DEUP1: variants seen among roughly 807,000 people sequenced by gnomAD.
DEUP1 encodes deuterosome assembly protein 1.
DEUP1 carries 82 observed loss-of-function variants against 87.4 expected under a neutral mutation model. That is an observed-to-expected ratio of 0.94 (90% CI 0.78 to 1.13). The LOEUF (loss-of-function observed/expected upper bound fraction) is 1.13, where lower values mean the gene tolerates loss of function less well. DEUP1 is among the 50% of genes most tolerant of loss of function. The pLI, the probability that DEUP1 is intolerant of heterozygous loss-of-function variation, is 0.00. For missense variants in DEUP1, 663 were observed against 681.5 expected (o/e 0.97, Z 0.30); for synonymous variants, 214 against 222.7 (o/e 0.96, Z 0.35).
chr11:93,404,072 C>G (rs1017247754), intron 11 of DEUP1, among the ~76,000 whole-genome samples: 1 of 152,010 alleles, frequency 6.6e-6, no homozygotes, highest in Admixed American at 6.6e-5. Flanking sequence ...AAGCTGCCTG[C>G]TCATTTCCAC....
chr11:93,398,152 A>G lies in DEUP1; in HGVS notation c.1326+1827A>G, dbSNP rs1241360956. The stretch of plus-strand genomic sequence containing the variant: ...TTTGGGGATTTTATCATCTTTTTAA[A>G]GTTGAATCATAACACGTACTTCTCT... On this transcript the variant is annotated intron_variant, in intron 11 of 13. Transcript: ENST00000298050. Among the ~76,000 whole-genome samples, 10 of 152,240 alleles carry G rather than the reference A, an allele frequency of 6.6e-5. No individual in the cohort carries two copies. In the East Asian group the frequency reaches 1.5e-3, roughly 24 times the overall value.
In DEUP1 at chr11:93,413,987, C is replaced by G. The variant is rs545086858; in HGVS notation, c.1524-1013C>G. Among the ~76,000 whole-genome samples the G allele has an allele frequency of 2.0e-5, 3 of 152,200 alleles. No individual in the cohort carries two copies. In the South Asian group the frequency reaches 6.2e-4, roughly 32 times the overall value. The stretch of plus-strand genomic sequence containing the variant: ...TCAGATTAGTTTAATAATAATAATA[C>G]CTAATCTTTACTAAACATTTACTAT... On this transcript the variant is annotated intron_variant, in intron 12 of 13. Transcript: ENST00000298050.
intron 2 of DEUP1, among the ~76,000 whole-genome samples, chr11:93,350,034 T>G (rs954452419): frequency 6.6e-6 from 1 of 152,150 alleles, no homozygotes; most frequent in Non-Finnish European, 1.5e-5. Context: ...GAGGAGTATA[T>G]TTGGCTTTCT....
At chr11:93,399,705 A>G (rs1947058569) in intron 11 of DEUP1, among the ~76,000 whole-genome samples, 1 of 151,874 alleles carries the variant, frequency 6.6e-6, no homozygotes, top group South Asian at 2.1e-4. Context: ...AAATTATCTT[A>G]TTAATTTAAG....
chr11:93,401,234 C>T (rs1489576272), intron 11 of DEUP1, among the ~76,000 whole-genome samples: 1 of 151,694 alleles, frequency 6.6e-6, no homozygotes, highest in Non-Finnish European at 1.5e-5. Flanking sequence ...ATCAATTTAA[C>T]CAAAGAAGTG....
intron 2 of DEUP1, among the ~76,000 whole-genome samples, chr11:93,335,272 C>G (rs1204393132): frequency 6.9e-6 from 1 of 144,480 alleles, no homozygotes; most frequent in Non-Finnish European, 1.6e-5. Context: ...ATGATTTTGA[C>G]TCTGTCAATT....
At chr11:93,429,388 T>G (rs1210910931) in intron 13 of DEUP1, among the ~76,000 whole-genome samples, 1 of 152,196 alleles carries the variant, frequency 6.6e-6, no homozygotes, top group African/African-American at 2.4e-5. Flanking sequence ...TCTGCATCAA[T>G]AAAACTTTGA....
intron 7 of DEUP1, among the ~76,000 whole-genome samples, chr11:93,373,625 GTA>G (rs1555048258): frequency 0.012 from 794 of 66,974 alleles, 6 homozygotes; most frequent in African/African-American, 0.026. Context: ...ATATATATAC[GTA>G]TATATATATA....
Position 93,394,640 on chromosome 11 carries a change from T to A in DEUP1, c.1223T>A (p.Met408Lys), listed in dbSNP as rs1390003741. ...ATGGAATTAGAAATAAAAGAAAAAA[T>A]GTTAGCAAAACAAAAGGTATGCAAG... ...LKMELEIKEK[M>K]LAKQKVSDMK... Residue 408 changes from methionine to lysine, a missense_variant, in exon 10 of 14, where the codon ATG becomes AAG. Met to Lys is a moderately conservative substitution (Grantham distance 95). Transcript: ENST00000298050. 1 of 1,610,622 alleles carries A rather than the reference T, an allele frequency of 6.2e-7. No homozygotes were observed.
intron 11 of DEUP1, among the ~76,000 whole-genome samples, chr11:93,406,080 G>A (rs1372368069): frequency 1.3e-5 from 2 of 151,836 alleles, no homozygotes; most frequent in Non-Finnish European, 1.5e-5. Context: ...TTAAAATTCT[G>A]TGAAAAGTTT....
intron 7 of DEUP1, among the ~76,000 whole-genome samples, chr11:93,373,321 A>G (rs1223202035): frequency 6.6e-6 from 1 of 151,936 alleles, no homozygotes; most frequent in African/African-American, 2.4e-5. Context: ...TTTACACTGT[A>G]CCCAATTTGT....
chr11:93,371,294 T>G lies in DEUP1; in HGVS notation c.789+14T>G. 1 of 1,605,390 alleles carries G rather than the reference T, an allele frequency of 6.2e-7. No individual in the cohort carries two copies. Among genetic ancestry groups the G allele is most frequent in the Non-Finnish European group, 8.5e-7 (1 of 1,176,328 alleles). Reference sequence around the variant, plus strand: ...AGACAGTGCCAGGTGAAGATTAATTTTTTTTCAACTAATATTGTCCATGAC... The same window carrying G: ...AGACAGTGCCAGGTGAAGATTAATTGTTTTTCAACTAATATTGTCCATGAC... On this transcript the variant is annotated intron_variant, in intron 7 of 13. Transcript: ENST00000298050.
intron 10 of DEUP1, among the ~76,000 whole-genome samples, chr11:93,395,455 C>T (rs570642186): frequency 4.6e-5 from 7 of 152,152 alleles, no homozygotes; most frequent in South Asian, 2.1e-4. Flanking sequence ...AGCCTTAAAC[C>T]GTGATTTATT....
intron 11 of DEUP1, among the ~76,000 whole-genome samples, chr11:93,403,203 G>A (rs933509626): frequency 3.3e-5 from 5 of 151,734 alleles, no homozygotes; most frequent in Non-Finnish European, 7.4e-5. Flanking sequence ...TTTTCTACTT[G>A]TTTTAAGGTT....
chr11:93,369,465 A>G (rs1945595211), intron 5 of DEUP1, among the ~76,000 whole-genome samples: 1 of 151,008 alleles, frequency 6.6e-6, no homozygotes, highest in South Asian at 2.1e-4. Context: ...AAAAAAAAAA[A>G]GTTGTTTGAA....
chr11:93,385,658 T>A, intron 8 of DEUP1, 115 bp downstream of exon 8: 1 of 679,850 alleles, frequency 1.5e-6, no homozygotes, highest in Non-Finnish European at 2.2e-6. Flanking sequence ...ATTAACATGT[T>A]AATTAGTGGG....
intron 13 of DEUP1, among the ~76,000 whole-genome samples, chr11:93,432,138 G>A (rs528865959): frequency 1.3e-5 from 2 of 152,250 alleles, no homozygotes; most frequent in South Asian, 4.1e-4. Context: ...CAAAGCCTTG[G>A]GTCATAATAT....
chr11:93,392,980 C>CTCT (rs1565330623), intron 9 of DEUP1, among the ~76,000 whole-genome samples: 2 of 147,716 alleles, frequency 1.4e-5, no homozygotes, highest in African/African-American at 2.5e-5. Flanking sequence ...CCTCCTCCTC[C>CTCT]GAGCCCTCCT....
chr11:93,410,450 G>T (rs890110220), intron 12 of DEUP1, among the ~76,000 whole-genome samples: 1 of 152,172 alleles, frequency 6.6e-6, no homozygotes, highest in African/African-American at 2.4e-5. Flanking sequence ...GTTCTAATAT[G>T]GAATAAATAA....
Sources: allele counts gnomAD v4.1 joint callset (sites outside exome capture counted in the v4.1 genomes callset), GRCh38; gene constraint gnomAD v4.1.1; transcripts MANE v1.5; gene names NCBI Gene and HGNC (gene_info 2026-07-23, HGNC 2026-07-21).